ZFP1: variants seen among roughly 807,000 people sequenced by gnomAD.
ZFP1 encodes zinc finger protein 1 homolog.
In ZFP1, 32 loss-of-function variants were observed where a neutral mutation model predicts 38.5. The observed-to-expected ratio is 0.83, with a 90% confidence interval of 0.63 to 1.12. The LOEUF is 1.12. Among genes scored for constraint, ZFP1 ranks in the 50% most tolerant of loss-of-function variants. The pLI is 0.00. For synonymous variants in ZFP1, 245 were observed against 168.8 expected, an observed-to-expected ratio of 1.45 and a Z score of -3.50; for missense variants, 616 against 480.8, an observed-to-expected ratio of 1.28 and a Z score of -2.63.
rs2038278829 is a variant in ZFP1 at position 75,169,244 on chromosome 16, T to C, written c.143-9T>C. 6.3e-7 allele frequency: 1 copy of C among 1,593,706 alleles called. No homozygotes were observed. The highest frequency in any genetic ancestry group is 1.1e-5 in the South Asian group (1 of 88,120). ...ACAAGGTTCTTTTCATTGTGCTCTC[T>C]ATTCCTAGAAGTGTGGAAGGCTGAT... On this transcript the variant is annotated splice_polypyrimidine_tract_variant and intron_variant, in intron 3 of 3. Transcript: ENST00000570010.
At chr16:75,144,944 C>T (rs1165971271), upstream of ZFP1, among the ~76,000 whole-genome samples, 1 of 152,186 alleles carries the variant, frequency 6.6e-6, no homozygotes, top group Non-Finnish European at 1.5e-5. Flanking sequence ...ATCTTCCTGC[C>T]TCGGCCTCCT....
Position 75,170,178 on chromosome 16 carries a change from G to T in ZFP1, c.1068G>T (p.Glu356Asp). ...GAGAGAAACCCTATGAATGTACTGA[G>T]TGCGGCAAAACTTTCAGCCAGAGGT... Reference protein sequence around the residue: ...HTGEKPYECTECGKTFSQRST... With the variant: ...HTGEKPYECTDCGKTFSQRST... The change falls in exon 4 of 4, where the codon GAG becomes GAT. Residue 356 changes from glutamate (E) to aspartate (D), a missense_variant. Physicochemically the swap from Glu to Asp is conservative, Grantham distance 45. Coordinates refer to ENST00000570010, the MANE Select transcript of ZFP1 (RefSeq NM_153688.4). The T allele has an allele frequency of 1.2e-6, 2 of 1,614,112 alleles. No individual in the cohort carries two copies. Among genetic ancestry groups the T allele is most frequent in the Non-Finnish European group, 1.7e-6 (2 of 1,180,024 alleles).
At chr16:75,163,604 C>A (rs2037901995) in intron 2 of ZFP1, among the ~76,000 whole-genome samples, 2 of 150,760 alleles carry the variant, frequency 1.3e-5, no homozygotes, top group Non-Finnish European at 1.5e-5. Context: ...GGCCACTGCA[C>A]CCAGCCTTTT....
At chr16:75,134,744 C>T in the ZFP1 span, among the ~76,000 whole-genome samples, 3 of 147,360 alleles carry the variant, frequency 2.0e-5, no homozygotes, top group Non-Finnish European at 4.5e-5. Flanking sequence ...CAGCAAGTCT[C>T]CGCCTCAAAA....
chr16:75,164,618 C>T (rs1002337971), intron 2 of ZFP1, among the ~76,000 whole-genome samples: 13 of 152,126 alleles, frequency 8.5e-5, no homozygotes, highest in African/African-American at 2.9e-4. Context: ...ATGTACTAGT[C>T]ATCATTCTAG....
At chr16:75,145,012 T>C (rs1335592164), upstream of ZFP1, among the ~76,000 whole-genome samples, 1 of 152,186 alleles carries the variant, frequency 6.6e-6, no homozygotes, top group Non-Finnish European at 1.5e-5. Flanking sequence ...TTTCACTTAG[T>C]GTATTTTCAA....
At chr16:75,131,644 C>G in the ZFP1 span, among the ~76,000 whole-genome samples, 26 of 152,040 alleles carry the variant, frequency 1.7e-4, no homozygotes, top group African/African-American at 5.8e-4. Context: ...CACCTCGGTT[C>G]GTTGCTTACC....
At chr16:75,135,941 G>T in the ZFP1 span, among the ~76,000 whole-genome samples, 5 of 152,048 alleles carry the variant, frequency 3.3e-5, no homozygotes, top group Admixed American at 1.3e-4. Context: ...TCAGCCTCCC[G>T]AGTAACTGGG....
the ZFP1 span, among the ~76,000 whole-genome samples, chr16:75,139,230 G>A: frequency 6.6e-6 from 1 of 151,818 alleles, no homozygotes; most frequent in African/African-American, 2.4e-5. Flanking sequence ...TTAGCCAGGT[G>A]TGGTGGCGGG....
the ZFP1 span, among the ~76,000 whole-genome samples, chr16:75,121,225 T>C: frequency 0.91 from 137,705 of 150,802 alleles, 62,937 homozygotes; most frequent in Non-Finnish European, 0.93. Flanking sequence ...TACAGTGGGG[T>C]GATCTCTGTA....
At chr16:75,160,544 A>G (rs2037714182) in intron 2 of ZFP1, among the ~76,000 whole-genome samples, 1 of 151,778 alleles carries the variant, frequency 6.6e-6, no homozygotes, top group African/African-American at 2.4e-5. Context: ...CTGTAACCCC[A>G]GCTACTTAGG....
the ZFP1 span, among the ~76,000 whole-genome samples, chr16:75,123,449 GTATA>G: frequency 0.24 from 11,534 of 47,262 alleles, 792 homozygotes; most frequent in Non-Finnish European, 0.28. Context: ...GTGTGTGTGT[GTATA>G]TGTATATATA....
At chr16:75,148,995 C>G (rs952574085) in intron 1 of ZFP1, 2 of 151,364 alleles carry the variant, frequency 1.3e-5, no homozygotes, top group Non-Finnish European at 2.9e-5. Flanking sequence ...GAGGCCCCGC[C>G]GGGGCGTGGT....
At chr16:75,149,066 A>AG (rs200497403) in intron 1 of ZFP1, 5,904 of 152,052 alleles carry the variant, frequency 0.039, 212 homozygotes, top group Admixed American at 0.11. Context: ...GGGTGGAGGA[A>AG]GGACTGGAGC....
the ZFP1 span, among the ~76,000 whole-genome samples, chr16:75,134,910 C>G: frequency 3.3e-5 from 5 of 151,672 alleles, no homozygotes; most frequent in Non-Finnish European, 1.5e-5. Context: ...ATACAAAAGC[C>G]AGGTGTGGTG....
At chr16:75,160,258 G>T (rs1489157126) in intron 2 of ZFP1, among the ~76,000 whole-genome samples, 1 of 152,104 alleles carries the variant, frequency 6.6e-6, no homozygotes, top group Non-Finnish European at 1.5e-5. Context: ...TCTTGGCTGG[G>T]CAAGGTAGCC....
At chr16:75,168,099 C>T (rs1340331791) in intron 3 of ZFP1, among the ~76,000 whole-genome samples, 1 of 152,026 alleles carries the variant, frequency 6.6e-6, no homozygotes, top group Non-Finnish European at 1.5e-5. Context: ...TCAAGTGATC[C>T]TCCTGCCTTG....
At chr16:75,146,143 C>A (rs531103189), upstream of ZFP1, among the ~76,000 whole-genome samples, 21 of 151,796 alleles carry the variant, frequency 1.4e-4, no homozygotes, top group African/African-American at 3.6e-4. Context: ...TGTTACCACA[C>A]AATCCAGCAA....
chr16:75,129,355 A>G, the ZFP1 span, among the ~76,000 whole-genome samples: 1 of 152,216 alleles, frequency 6.6e-6, no homozygotes. Context: ...GCTTTCTCTA[A>G]AAGATTTTTA....
Sources: gnomAD v4.1 joint callset for allele counts (sites outside exome capture counted in the v4.1 genomes callset) on GRCh38, gnomAD v4.1.1 for gene constraint, MANE v1.5 for transcripts, NCBI Gene and HGNC (gene_info 2026-07-23, HGNC 2026-07-21) for gene names.